Variants in COL24A1 observed in about 807,000 individuals in gnomAD.
COL24A1 encodes collagen type XXIV alpha 1 chain.
A neutral mutation model predicts 253.9 loss-of-function variants in COL24A1; 224 were observed. The observed-to-expected ratio is 0.88, with a 90% CI of 0.79 to 0.99. The LOEUF (loss-of-function observed/expected upper bound fraction) is 0.99, where lower values mean the gene tolerates loss of function less well. Ranked by LOEUF, COL24A1 falls within the 50% of genes least tolerant of loss-of-function variation. COL24A1 has a pLI of 0.00. For missense variants in COL24A1, 2,131 were observed against 2,068.5 expected, an observed-to-expected ratio of 1.03 and a Z score of -0.59; for synonymous variants, 685 against 673.7, an observed-to-expected ratio of 1.02 and a Z score of -0.26.
Position 86,126,063 on chromosome 1 carries a change from C to T in COL24A1, c.273G>A (p.Glu91=). ...GVIFKNDAYI[E]TPFVKILPVN... ...CTGGTAAAATTTTCACGAAAGGTGT[C>T]TCGATATAAGCATCATTTTTAAAAA... The change falls in exon 3 of 60, where the codon GAG becomes GAA. Residue 91 remains glutamate, a synonymous_variant. Coordinates refer to ENST00000370571, the MANE Select transcript of COL24A1 (RefSeq NM_152890.7). The T allele has an allele frequency of 6.2e-7, 1 of 1,613,518 alleles. No individual in the cohort carries two copies. Among genetic ancestry groups the T allele is most frequent in the Non-Finnish European group, 8.5e-7 (1 of 1,179,762 alleles).
intron 14 of COL24A1, chr1:86,029,846 T>C (rs1293268380): frequency 6.6e-6 from 1 of 152,110 alleles, no homozygotes; most frequent in Non-Finnish European, 1.5e-5. Flanking sequence ...TAAGGAGAAT[T>C]CTTCCCTATG....
At position 86,112,434 on chromosome 1, in the gene COL24A1, G is replaced by T. The variant is rs1039922487; in HGVS notation, c.1599+133C>A. Reference sequence around the variant, plus strand: ...GCCAGGCTAAGACAATCATGTTGAAGAATCATGCTCTGGAGGTGACAGAGA... The same window carrying T: ...GCCAGGCTAAGACAATCATGTTGAATAATCATGCTCTGGAGGTGACAGAGA... On this transcript the variant is annotated intron_variant, in intron 5 of 59. Coordinates refer to ENST00000370571, the MANE Select transcript of COL24A1 (RefSeq NM_152890.7). 3 of 673,434 alleles carry T rather than the reference G, an allele frequency of 4.5e-6. No individual in the cohort carries two copies. The Admixed American group carries it at 8.6e-5, about 19-fold the overall frequency. 41.7% of individuals were successfully genotyped at this position (673,434 alleles called of 1,614,324 possible).
chr1:85,975,653 A>G (rs1692599361), intron 20 of COL24A1, among the ~76,000 whole-genome samples: 1 of 152,218 alleles, frequency 6.6e-6, no homozygotes, highest in African/African-American at 2.4e-5. Context: ...TGGACAGAAC[A>G]GTGTATGGAG....
intron 20 of COL24A1, among the ~76,000 whole-genome samples, chr1:85,985,920 G>C (rs975062446): frequency 6.6e-6 from 1 of 151,710 alleles, no homozygotes; most frequent in African/African-American, 2.4e-5. Flanking sequence ...GTGAAATTCA[G>C]ATAAACAACA....
At chr1:86,133,722 C>A (rs982475873) in intron 2 of COL24A1, among the ~76,000 whole-genome samples, 183 of 152,194 alleles carry the variant, frequency 1.2e-3, no homozygotes, top group African/African-American at 4.1e-3. Context: ...GGTGGATAAG[C>A]TTTTTGATGT....
intron 7 of COL24A1, among the ~76,000 whole-genome samples, chr1:86,071,502 G>A (rs1160627905): frequency 1.3e-5 from 2 of 151,924 alleles, no homozygotes; most frequent in Admixed American, 1.3e-4. Context: ...TTGCCTATAA[G>A]AAACACACTT....
At chr1:85,924,536 A>G (rs559165490) in intron 24 of COL24A1, among the ~76,000 whole-genome samples, 88 of 152,330 alleles carry the variant, frequency 5.8e-4, no homozygotes, top group Admixed American at 1.2e-3. Flanking sequence ...CAATAAACAT[A>G]ATCCATCACA....
At chr1:85,922,218 A>C (rs754133773) in intron 24 of COL24A1, among the ~76,000 whole-genome samples, 2 of 152,196 alleles carry the variant, frequency 1.3e-5, no homozygotes, top group African/African-American at 4.8e-5. Flanking sequence ...TGATGGGGAG[A>C]ATGGAACCAA....
intron 20 of COL24A1, among the ~76,000 whole-genome samples, chr1:85,982,203 G>C (rs1476885183): frequency 6.6e-6 from 1 of 152,100 alleles, no homozygotes; most frequent in African/African-American, 2.4e-5. Flanking sequence ...TCTATAGGCG[G>C]TATGTAAAGT....
chr1:85,833,650 T>C (rs1194052339), intron 43 of COL24A1, among the ~76,000 whole-genome samples: 1 of 152,126 alleles, frequency 6.6e-6, no homozygotes, highest in Non-Finnish European at 1.5e-5. Flanking sequence ...CATGTTGCTA[T>C]AAAGACACAT....
At chr1:86,129,843 G>T (rs1648884847) in intron 2 of COL24A1, among the ~76,000 whole-genome samples, 1 of 151,774 alleles carries the variant, frequency 6.6e-6, no homozygotes, top group Non-Finnish European at 1.5e-5. Flanking sequence ...ACTCGGAAAG[G>T]TGTTTGAAGG....
chr1:86,039,919 C>A (rs1452642825), intron 12 of COL24A1, among the ~76,000 whole-genome samples: 1 of 152,158 alleles, frequency 6.6e-6, no homozygotes, highest in Admixed American at 6.6e-5. Flanking sequence ...GATCCACACT[C>A]AGGGTCAACC....
At chr1:86,147,678 T>C (rs193048763) in intron 1 of COL24A1, among the ~76,000 whole-genome samples, 3 of 152,382 alleles carry the variant, frequency 2.0e-5, no homozygotes, top group East Asian at 3.9e-4. Flanking sequence ...GCAGGATGCA[T>C]ACATTTTAAC....
intron 12 of COL24A1, among the ~76,000 whole-genome samples, chr1:86,043,456 A>T (rs921358376): frequency 1.6e-4 from 25 of 152,184 alleles, no homozygotes; most frequent in African/African-American, 5.8e-4. Flanking sequence ...TAATGATAGT[A>T]AATGAAATAA....
chr1:86,133,127 G>C (rs1337474092), intron 2 of COL24A1, among the ~76,000 whole-genome samples: 2 of 152,112 alleles, frequency 1.3e-5, no homozygotes, highest in Non-Finnish European at 1.5e-5. Context: ...TTGTGAATGG[G>C]AGTTCACTCA....
chr1:85,810,059 C>T (rs534379743), intron 47 of COL24A1, among the ~76,000 whole-genome samples: 1 of 126,938 alleles, frequency 7.9e-6, no homozygotes, highest in Non-Finnish European at 1.7e-5. Flanking sequence ...CACTTGTTTT[C>T]CAAGAACTGG....
chr1:85,773,372 T>C (rs1266372180), intron 53 of COL24A1, among the ~76,000 whole-genome samples: 11 of 152,206 alleles, frequency 7.2e-5, no homozygotes, highest in Non-Finnish European at 1.6e-4. Context: ...TGGTTTCATA[T>C]GAAGTTTGAA....
chr1:85,822,877 T>C (rs1673805384), intron 45 of COL24A1, among the ~76,000 whole-genome samples: 1 of 152,196 alleles, frequency 6.6e-6, no homozygotes, highest in South Asian at 2.1e-4. Context: ...CCACAGTTGA[T>C]GTCTGGTCAC....
At chr1:86,097,954 A>G (rs190238284) in intron 5 of COL24A1, among the ~76,000 whole-genome samples, 39 of 152,272 alleles carry the variant, frequency 2.6e-4, no homozygotes, top group Admixed American at 2.6e-3. Flanking sequence ...ATTCTCGTCC[A>G]GATAGTCACA....
Sources: gnomAD v4.1 joint callset for allele counts (sites outside exome capture counted in the v4.1 genomes callset) on GRCh38, gnomAD v4.1.1 for gene constraint, MANE v1.5 for transcripts, NCBI Gene and HGNC (gene_info 2026-07-23, HGNC 2026-07-21) for gene names.